CDH13: variants seen among roughly 807,000 people sequenced by gnomAD.
CDH13 encodes cadherin 13.
In CDH13, 24 loss-of-function variants were observed where a neutral mutation model predicts 63.8. The ratio of observed to expected loss-of-function variants is 0.38; its 90% CI spans 0.27 to 0.53. The LOEUF (loss-of-function observed/expected upper bound fraction) is 0.53. Among genes scored for constraint, CDH13 ranks in the 20% least tolerant of loss-of-function variants. CDH13 has a pLI of 0.85. For missense variants in CDH13, 1,049 were observed against 903.1 expected (o/e 1.16, Z -2.07); for synonymous variants, 503 against 355.3 (o/e 1.42, Z -4.67).
At chr16:83,325,572 C>A (rs143801508) in intron 5 of CDH13, among the ~76,000 whole-genome samples, 1 of 152,178 alleles carries the variant, frequency 6.6e-6, no homozygotes, top group African/African-American at 2.4e-5. Flanking sequence ...CATGAATGAG[C>A]ATAGCTTTAT....
chr16:83,594,876 C>G (rs1016314762), intron 7 of CDH13, among the ~76,000 whole-genome samples: 3 of 152,090 alleles, frequency 2.0e-5, no homozygotes, highest in African/African-American at 7.2e-5. Context: ...ATTCTTTTTT[C>G]AAGATGAGAT....
At chr16:82,955,400 T>C (rs1905924803) in intron 2 of CDH13, among the ~76,000 whole-genome samples, 1 of 152,362 alleles carries the variant, frequency 6.6e-6, no homozygotes, top group Admixed American at 6.5e-5. Flanking sequence ...TGCCTGTACT[T>C]GCTTTTTACT....
At chr16:82,850,656 T>A (rs1324821852) in intron 1 of CDH13, among the ~76,000 whole-genome samples, 1 of 152,138 alleles carries the variant, frequency 6.6e-6, no homozygotes, top group East Asian at 1.9e-4. Context: ...TATAGAGAAA[T>A]CATTCGTGAA....
intron 1 of CDH13, among the ~76,000 whole-genome samples, chr16:82,738,434 C>G (rs2033785032): frequency 6.6e-6 from 1 of 152,208 alleles, no homozygotes; most frequent in South Asian, 2.1e-4. Context: ...AAATCTCTCT[C>G]ATTCTCACCC....
intron 8 of CDH13, among the ~76,000 whole-genome samples, chr16:83,610,515 C>G (rs1908760988): frequency 6.6e-6 from 1 of 152,162 alleles, no homozygotes; most frequent in South Asian, 2.1e-4. Flanking sequence ...CCACCACCTG[C>G]TCGGTAAAAC....
Position 83,670,859 on chromosome 16 carries a change from C to G in CDH13, c.1171C>G (p.Pro391Ala). Residue 391 changes from proline to alanine, a missense_variant, in exon 9 of 14, where the codon CCC (proline) becomes GCC (alanine). Coordinates refer to ENST00000567109, the MANE Select transcript of CDH13 (RefSeq NM_001257.5). ...TTTGACAGTTGAAGATAAGGATGAC[C>G]CCACCACAGGTGCATGGAGGGCTGC... ...VNLTVEDKDD[P>A]TTGAWRAAYT... 2 of 1,613,862 alleles carry G rather than the reference C, an allele frequency of 1.2e-6. No individual in the cohort carries two copies. The highest frequency in any genetic ancestry group is 1.7e-6 in the Non-Finnish European group (2 of 1,179,830).
intron 9 of CDH13, among the ~76,000 whole-genome samples, chr16:83,671,720 AAC>A (rs1318494013): frequency 1.3e-5 from 2 of 152,242 alleles, no homozygotes; most frequent in Non-Finnish European, 2.9e-5. Context: ...AAACACACAC[AAC>A]ATAGTTATTG....
intron 7 of CDH13, among the ~76,000 whole-genome samples, chr16:83,541,325 A>G (rs914162157): frequency 6.6e-6 from 1 of 152,252 alleles, no homozygotes; most frequent in Admixed American, 6.5e-5. Context: ...CTATGGAAAT[A>G]TGATCACTTC....
intron 2 of CDH13, among the ~76,000 whole-genome samples, chr16:82,877,066 A>T (rs1438718152): frequency 6.6e-6 from 1 of 152,212 alleles, no homozygotes; most frequent in Non-Finnish European, 1.5e-5. Flanking sequence ...ATAAGGGCAA[A>T]TACTACCTTA....
chr16:82,988,501 C>T (rs1471026546), intron 2 of CDH13, among the ~76,000 whole-genome samples: 1 of 152,056 alleles, frequency 6.6e-6, no homozygotes, highest in African/African-American at 2.4e-5. Context: ...GTGGCTCACA[C>T]ATGTAATCCC....
intron 6 of CDH13, among the ~76,000 whole-genome samples, chr16:83,376,264 A>G (rs1395778706): frequency 6.6e-6 from 1 of 152,162 alleles, no homozygotes; most frequent in Non-Finnish European, 1.5e-5. Context: ...TCATGTGCCC[A>G]TCCCTGAATT....
At chr16:82,815,441 G>A (rs951141967) in intron 1 of CDH13, among the ~76,000 whole-genome samples, 3 of 152,148 alleles carry the variant, frequency 2.0e-5, no homozygotes, top group African/African-American at 7.2e-5. Flanking sequence ...AGGTGGTTGT[G>A]AGGATTACAC....
chr16:83,506,404 G>A (rs1317207487), intron 7 of CDH13, among the ~76,000 whole-genome samples: 2 of 152,196 alleles, frequency 1.3e-5, no homozygotes, highest in Non-Finnish European at 2.9e-5. Context: ...GAGACTGACA[G>A]ATGCAGTGCC....
intron 4 of CDH13, among the ~76,000 whole-genome samples, chr16:83,158,342 G>A (rs1414147476): frequency 1.3e-5 from 2 of 152,138 alleles, no homozygotes; most frequent in Non-Finnish European, 2.9e-5. Flanking sequence ...GCACTGTGCT[G>A]TGCAGTGAAT....
intron 9 of CDH13, among the ~76,000 whole-genome samples, chr16:83,676,474 C>T (rs1156374257): frequency 1.3e-5 from 2 of 152,208 alleles, no homozygotes; most frequent in Non-Finnish European, 2.9e-5. Context: ...AGCATGGCAG[C>T]TCCCTGGCCC....
chr16:82,909,219 G>A (rs1351114807), intron 2 of CDH13, among the ~76,000 whole-genome samples: 1 of 151,206 alleles, frequency 6.6e-6, no homozygotes, highest in Non-Finnish European at 1.5e-5. Context: ...ATTCACAGAT[G>A]TGGAACCCAC....
rs530032642 is a variant in CDH13, at chr16:82,708,182, C to T, written c.45+81045C>T. Among the ~76,000 whole-genome samples the T allele has an allele frequency of 8.5e-5, 13 of 152,270 alleles. No homozygotes were observed. The South Asian group carries it at 1.0e-3, about 12-fold the overall frequency. On this transcript the variant is annotated intron_variant, in intron 1 of 13. Coordinates refer to ENST00000567109, the MANE Select transcript of CDH13 (RefSeq NM_001257.5). ...CCAATGTTGCTTACATCACACTGTT[C>T]GCATCCCATTTGCTCAAATGTGGTC...
intron 2 of CDH13, among the ~76,000 whole-genome samples, chr16:82,991,347 T>G (rs1911632451): frequency 1.3e-5 from 2 of 152,202 alleles, no homozygotes; most frequent in Non-Finnish European, 2.9e-5. Flanking sequence ...GTATATATCT[T>G]AATATGCCTT....
intron 3 of CDH13, among the ~76,000 whole-genome samples, chr16:83,093,939 G>C (rs2034057388): frequency 6.6e-6 from 1 of 152,182 alleles, no homozygotes; most frequent in South Asian, 2.1e-4. Context: ...GGTTAAGCAA[G>C]CGAGTAATAG....
Sources: allele counts gnomAD v4.1 joint callset (sites outside exome capture counted in the v4.1 genomes callset), GRCh38; gene constraint gnomAD v4.1.1; transcripts MANE v1.5; gene names NCBI Gene and HGNC (gene_info 2026-07-23, HGNC 2026-07-21).